Variants in FBXO34 observed in about 807,000 individuals in gnomAD.
The protein encoded by FBXO34 is F-box protein 34.
A neutral mutation model predicts 24.5 loss-of-function variants in FBXO34; 12 were observed. The observed-to-expected ratio is 0.49, with a 90% CI of 0.31 to 0.79. The LOEUF is 0.79. Ranked by LOEUF, FBXO34 falls within the 30% of genes least tolerant of loss-of-function variation. The probability of loss-of-function intolerance (pLI) is 0.04; values close to 1 mark genes in which losing one functional copy is unlikely to be tolerated. For missense variants in FBXO34, 823 were observed against 857.7 expected, an observed-to-expected ratio of 0.96 and a Z score of 0.51; for synonymous variants, 320 against 311.9, an observed-to-expected ratio of 1.03 and a Z score of -0.27.
chr14:55,359,394 A>G (rs569373653), intron 3 of FBXO34, among the ~76,000 whole-genome samples: 35 of 152,348 alleles, frequency 2.3e-4, no homozygotes, highest in African/African-American at 7.9e-4. Flanking sequence ...ACTGCAATAA[A>G]GCAAGTCATG....
chr14:55,347,083 T>C (rs968331644), intron 1 of FBXO34, among the ~76,000 whole-genome samples: 1 of 152,216 alleles, frequency 6.6e-6, no homozygotes, highest in Admixed American at 6.5e-5. Flanking sequence ...CTAAGGGCCT[T>C]TCTGAGAATC....
chr14:55,291,450 T>TA (rs1881941585), intron 1 of FBXO34, among the ~76,000 whole-genome samples: 1 of 152,180 alleles, frequency 6.6e-6, no homozygotes, highest in South Asian at 2.1e-4. Context: ...GATTGATGGT[T>TA]AAAGGTAGAT....
chr14:55,421,788 AATT>A, the FBXO34 span, among the ~76,000 whole-genome samples: 11 of 152,306 alleles, frequency 7.2e-5, no homozygotes, highest in East Asian at 2.1e-3. Context: ...AAGACACATT[AATT>A]ATTTCTTAAA....
At chr14:55,278,397 A>G (rs531029035) in intron 1 of FBXO34, among the ~76,000 whole-genome samples, 155 of 152,224 alleles carry the variant, frequency 1.0e-3, no homozygotes, top group African/African-American at 3.6e-3. Context: ...GATTTTTTTA[A>G]TGCAGATGTA....
intron 1 of FBXO34, among the ~76,000 whole-genome samples, chr14:55,302,061 C>T (rs556271623): frequency 1.3e-5 from 2 of 152,162 alleles, no homozygotes; most frequent in Non-Finnish European, 2.9e-5. Context: ...CCAAAAGATG[C>T]AAATGTAGCT....
chr14:55,377,520 A>G, the FBXO34 span, among the ~76,000 whole-genome samples: 1 of 152,168 alleles, frequency 6.6e-6, no homozygotes, highest in Non-Finnish European at 1.5e-5. Flanking sequence ...ATCCAAAGAC[A>G]TGGCCTTTGG....
chr14:55,378,274 C>T, the FBXO34 span, among the ~76,000 whole-genome samples: 1 of 152,216 alleles, frequency 6.6e-6, no homozygotes, highest in Non-Finnish European at 1.5e-5. Context: ...TACAAATGCA[C>T]ATACCCTTTG....
downstream of FBXO34, chr14:55,369,960 C>T (rs1333446154): frequency 1.3e-6 from 2 of 1,530,572 alleles, no homozygotes; most frequent in Non-Finnish European, 8.8e-7. Flanking sequence ...TTTAGGATAA[C>T]AACCATTCTC....
intron 1 of FBXO34, among the ~76,000 whole-genome samples, chr14:55,301,428 C>T (rs1340315936): frequency 6.8e-6 from 1 of 147,524 alleles, no homozygotes; most frequent in Non-Finnish European, 1.5e-5. Context: ...CAAAGTGAGA[C>T]TCTGTCTCAA....
the FBXO34 span, among the ~76,000 whole-genome samples, chr14:55,431,109 A>G: frequency 6.6e-6 from 1 of 152,252 alleles, no homozygotes; most frequent in African/African-American, 2.4e-5. Context: ...CTACGCAAAC[A>G]CAGGTATCCC....
intron 1 of FBXO34, among the ~76,000 whole-genome samples, chr14:55,303,354 A>C (rs948678686): frequency 2.0e-5 from 3 of 152,232 alleles, no homozygotes; most frequent in Non-Finnish European, 2.9e-5. Flanking sequence ...TGTCAGACTC[A>C]GAAATAGTGA....
At chr14:55,423,259 C>G in the FBXO34 span, among the ~76,000 whole-genome samples, 1 of 152,168 alleles carries the variant, frequency 6.6e-6, no homozygotes, top group African/African-American at 2.4e-5. Flanking sequence ...TGCTGCCAAG[C>G]ATTTGGTAAA....
chr14:55,324,256 G>T (rs899468207), intron 1 of FBXO34, among the ~76,000 whole-genome samples: 14 of 152,110 alleles, frequency 9.2e-5, no homozygotes, highest in Admixed American at 6.5e-5. Flanking sequence ...TGTTGTAGTG[G>T]ATATCAGTAC....
chr14:55,279,390 A>G (rs1460691053), intron 1 of FBXO34, among the ~76,000 whole-genome samples: 1 of 152,020 alleles, frequency 6.6e-6, no homozygotes, highest in African/African-American at 2.4e-5. Flanking sequence ...AGATCATGTG[A>G]TAGGAAAATA....
intron 1 of FBXO34, among the ~76,000 whole-genome samples, chr14:55,323,529 C>T (rs963163970): frequency 2.0e-5 from 3 of 151,620 alleles, no homozygotes; most frequent in East Asian, 2.0e-4. Context: ...ATTACAGGCA[C>T]GTGCCACCAC....
downstream of FBXO34, among the ~76,000 whole-genome samples, chr14:55,364,671 C>T (rs895486278): frequency 1.3e-5 from 2 of 151,462 alleles, no homozygotes; most frequent in East Asian, 1.9e-4. Context: ...TCAGGTGATC[C>T]GCCTGTCTCT....
chr14:55,435,961 T>G, the FBXO34 span: 14 of 1,381,102 alleles, frequency 1.0e-5, no homozygotes, highest in South Asian at 1.3e-5. Context: ...GTTTAGAAAC[T>G]TATATCAGAT....
At position 55,349,607 on chromosome 14, in the gene FBXO34, CTTTTT is replaced by C. The variant is rs57284715; in HGVS notation, c.-10-760_-10-756del. ...GAATAGTTTAGGAAGCAATAATTTT[CTTTTT>C]TTTTTTTTTTTTTGAGACAAAGTCT... is the stretch of plus-strand genomic sequence containing the variant. On this transcript the variant is annotated intron_variant, in intron 1 of 1. Coordinates refer to ENST00000313833, the MANE Select transcript of FBXO34 (RefSeq NM_017943.4). Among the ~76,000 whole-genome samples, 6 of 116,606 alleles carry C rather than the reference CTTTTT, an allele frequency of 5.1e-5. No homozygotes were observed. The East Asian group carries it at 7.5e-4, about 15-fold the overall frequency. The allele number at this position is 116,606 out of a possible 152,430, so 76.5% of individuals were successfully genotyped here. A position where few individuals can be genotyped will look rare whatever the true frequency, so the allele number is the denominator to read the frequency against.
the FBXO34 span, among the ~76,000 whole-genome samples, chr14:55,403,183 T>A: frequency 3.3e-5 from 5 of 151,748 alleles, no homozygotes; most frequent in African/African-American, 1.2e-4. Context: ...GAATAATGCT[T>A]ACATACTCCT....
Sources: allele counts gnomAD v4.1 joint callset (sites outside exome capture counted in the v4.1 genomes callset), GRCh38; gene constraint gnomAD v4.1.1; transcripts MANE v1.5; gene names NCBI Gene and HGNC (gene_info 2026-07-23, HGNC 2026-07-21).